Variants in ASIC2 observed in about 807,000 individuals in gnomAD.
ASIC2 encodes acid sensing ion channel subunit 2, also known as acid-sensing ion channel 2.
Under a neutral mutation model 57.3 loss-of-function variants are expected in ASIC2, and 25 were observed. That is an observed-to-expected ratio of 0.44 (90% CI 0.32 to 0.61). The LOEUF (loss-of-function observed/expected upper bound fraction) is 0.61, where lower values mean the gene tolerates loss of function less well. Among genes scored for constraint, ASIC2 ranks in the 20% least tolerant of loss-of-function variants. The pLI is 0.06. For missense variants in ASIC2, 641 were observed against 738.1 expected (o/e 0.87, Z 1.52); for synonymous variants, 319 against 307.5 (o/e 1.04, Z -0.39).
At chr17:33,832,972 T>C (rs1344188472) in intron 1 of ASIC2, among the ~76,000 whole-genome samples, 7 of 152,206 alleles carry the variant, frequency 4.6e-5, no homozygotes, top group Non-Finnish European at 1.0e-4. Flanking sequence ...TATTATGTAG[T>C]AGTTAGATAA....
At chr17:33,613,585 T>C (rs1362470439) in intron 1 of ASIC2, among the ~76,000 whole-genome samples, 1 of 152,074 alleles carries the variant, frequency 6.6e-6, no homozygotes, top group African/African-American at 2.4e-5. Context: ...GCCAGGATGA[T>C]CTCGATCTCC....
intron 3 of ASIC2, among the ~76,000 whole-genome samples, chr17:33,071,215 C>G (rs1457488103): frequency 4.6e-5 from 7 of 152,158 alleles, no homozygotes; most frequent in Non-Finnish European, 1.5e-5. Flanking sequence ...CTGCCCCATA[C>G]TTCTTGAAAC....
At chr17:33,020,178 A>G (rs963536803) in intron 7 of ASIC2, among the ~76,000 whole-genome samples, 1 of 152,138 alleles carries the variant, frequency 6.6e-6, no homozygotes, top group African/African-American at 2.4e-5. Context: ...ACACCAGCTG[A>G]GCCCTGGGTC....
intron 1 of ASIC2, among the ~76,000 whole-genome samples, chr17:33,771,498 C>T (rs1911109926): frequency 6.6e-6 from 1 of 152,042 alleles, no homozygotes; most frequent in African/African-American, 2.4e-5. Context: ...AAGCCTGTGC[C>T]TGTGGGTAGA....
At chr17:33,278,634 T>C (rs1016324478) in intron 1 of ASIC2, among the ~76,000 whole-genome samples, 2 of 152,192 alleles carry the variant, frequency 1.3e-5, no homozygotes, top group African/African-American at 4.8e-5. Flanking sequence ...ATGAGAGCTC[T>C]GTGAGGGGAG....
chr17:33,182,279 G>A (rs1327431166), intron 1 of ASIC2, among the ~76,000 whole-genome samples: 2 of 152,232 alleles, frequency 1.3e-5, no homozygotes, highest in Admixed American at 1.3e-4. Flanking sequence ...AATCAGGGAC[G>A]ATGTCAAAAT....
At chr17:33,405,516 C>T (rs1910441564) in intron 1 of ASIC2, among the ~76,000 whole-genome samples, 2 of 133,480 alleles carry the variant, frequency 1.5e-5, no homozygotes, top group South Asian at 4.6e-4. Flanking sequence ...TGGAGTCTTG[C>T]TCTGTTGCCC....
rs371786295 is a variant in ASIC2, at chr17:33,506,165, C to T, written c.556-394098G>A. Among the ~76,000 whole-genome samples, 10 of 147,420 alleles carry T rather than the reference C, an allele frequency of 6.8e-5. No homozygotes were observed. In the South Asian group the frequency reaches 8.5e-4, roughly 13 times the overall value. ...ATCCCAGCACTTCGGGAGGCCGAGG[C>T]GGGCAGATCACGAGGTCAGGAGATT... is the stretch of plus-strand genomic sequence containing the variant. On this transcript the variant is annotated intron_variant, in intron 1 of 9. Transcript: ENST00000359872.
At chr17:34,065,726 G>A (rs973682035) in intron 1 of ASIC2, among the ~76,000 whole-genome samples, 1 of 152,118 alleles carries the variant, frequency 6.6e-6, no homozygotes, top group Non-Finnish European at 1.5e-5. Context: ...GAGGAAGAGG[G>A]ACGTAGATGA....
intron 3 of ASIC2, among the ~76,000 whole-genome samples, chr17:33,040,045 T>C (rs1342593634): frequency 6.6e-6 from 1 of 152,242 alleles, no homozygotes; most frequent in Non-Finnish European, 1.5e-5. Context: ...GGCTAGATGT[T>C]AAGATATTTT....
intron 1 of ASIC2, among the ~76,000 whole-genome samples, chr17:33,751,912 C>A (rs1218196113): frequency 7.2e-6 from 1 of 139,646 alleles, no homozygotes; most frequent in Non-Finnish European, 1.5e-5. Flanking sequence ...TGGAGCTTTC[C>A]TCAGCCCAGC....
Position 34,101,747 on chromosome 17 carries a change from T to C in ASIC2, c.555+54231A>G, listed in dbSNP as rs9914749. Among the ~76,000 whole-genome samples, 476 of 152,318 alleles carry C rather than the reference T, an allele frequency of 3.1e-3. 4 individuals are homozygous for C. Among genetic ancestry groups the C allele is most frequent in the African/African-American group, 0.011 (446 of 41,564 alleles). ...TACGTGTTTTCAAACTTTATATAGA[T>C]GATACCACATTGTATATATCCTGTC... On this transcript the variant is annotated intron_variant, in intron 1 of 9. Coordinates refer to the ASIC2 transcript ENST00000359872.
intron 1 of ASIC2, among the ~76,000 whole-genome samples, chr17:33,369,316 T>C (rs1597702226): frequency 6.6e-6 from 1 of 152,196 alleles, no homozygotes; most frequent in South Asian, 2.1e-4. Flanking sequence ...GCTGGCTGCC[T>C]TGAGAAGGTG....
chr17:33,987,031 T>C (rs1567779479), intron 1 of ASIC2, among the ~76,000 whole-genome samples: 1 of 152,168 alleles, frequency 6.6e-6, no homozygotes, highest in Non-Finnish European at 1.5e-5. Context: ...ACACCAATCA[T>C]TAATCTAAGC....
intron 1 of ASIC2, among the ~76,000 whole-genome samples, chr17:33,516,955 A>G (rs1006786310): frequency 4.6e-5 from 7 of 152,142 alleles, no homozygotes; most frequent in African/African-American, 1.7e-4. Context: ...CACACATCAG[A>G]ATGTATCGGT....
intron 1 of ASIC2, among the ~76,000 whole-genome samples, chr17:33,241,387 A>T (rs913393360): frequency 8.5e-5 from 13 of 152,182 alleles, no homozygotes; most frequent in Non-Finnish European, 5.9e-5. Flanking sequence ...TGCAATATTC[A>T]GCTTTTCTCC....
At chr17:33,043,380 T>C (rs1210044515) in intron 3 of ASIC2, among the ~76,000 whole-genome samples, 2 of 152,200 alleles carry the variant, frequency 1.3e-5, no homozygotes, top group African/African-American at 2.4e-5. Flanking sequence ...CCAGCTCTCG[T>C]CTCTAGGAGA....
intron 1 of ASIC2, among the ~76,000 whole-genome samples, chr17:34,019,822 A>G (rs60190279): frequency 0.051 from 7,737 of 152,224 alleles, 651 homozygotes; most frequent in African/African-American, 0.18. Context: ...AGCTGGCCAG[A>G]TAGTTCTAAC....
intron 1 of ASIC2, among the ~76,000 whole-genome samples, chr17:33,840,884 A>G (rs1202007704): frequency 1.3e-5 from 2 of 152,030 alleles, no homozygotes; most frequent in Non-Finnish European, 2.9e-5. Context: ...TTTTGAGGGC[A>G]CATTAACAAA....
Sources: allele counts gnomAD v4.1 joint callset (sites outside exome capture counted in the v4.1 genomes callset), GRCh38; gene constraint gnomAD v4.1.1; transcripts MANE v1.5; gene names NCBI Gene and HGNC (gene_info 2026-07-23, HGNC 2026-07-21).